Variants in FOCAD observed in about 807,000 individuals in gnomAD.
FOCAD encodes the protein focadhesin, also known as KIAA1797.
Under a neutral mutation model 225.6 loss-of-function variants are expected in FOCAD, and 198 were observed. That is an observed-to-expected ratio of 0.88 (90% CI 0.78 to 0.99). The LOEUF is 0.99. Ranked by LOEUF, FOCAD falls within the 50% of genes least tolerant of loss-of-function variation. The pLI is 0.00. For synonymous variants in FOCAD, 897 were observed against 755.0 expected, an observed-to-expected ratio of 1.19 and a Z score of -3.08; for missense variants, 2,713 against 2,123.6, an observed-to-expected ratio of 1.28 and a Z score of -5.46.
At chr9:20,931,169 C>T (rs1835431597) in intron 27 of FOCAD, among the ~76,000 whole-genome samples, 1 of 152,140 alleles carries the variant, frequency 6.6e-6, no homozygotes, top group Non-Finnish European at 1.5e-5. Context: ...TATGATGATT[C>T]CCCCAGAACA....
chr9:20,881,786 T>A (rs1830684354), intron 19 of FOCAD, 85 bp from the exon 20 acceptor site: 1 of 1,344,314 alleles, frequency 7.4e-7, no homozygotes, highest in Admixed American at 2.2e-5. Flanking sequence ...GTAGCTTAGT[T>A]GTTTGTATAT....
chr9:20,798,861 T>C (rs1190922166), intron 11 of FOCAD, among the ~76,000 whole-genome samples: 3 of 152,240 alleles, frequency 2.0e-5, no homozygotes, highest in Non-Finnish European at 4.4e-5. Context: ...AGTTCTGCTC[T>C]GATCTTAGTT....
chr9:20,714,641 T>TGCC (rs376941036), intron 1 of FOCAD, among the ~76,000 whole-genome samples: 6 of 118,308 alleles, frequency 5.1e-5, no homozygotes, highest in African/African-American at 2.1e-4. Context: ...CCTGCCTTCC[T>TGCC]TCCTTCCTTC....
chr9:20,818,248 A>G (rs902801217), intron 11 of FOCAD, among the ~76,000 whole-genome samples: 2 of 152,110 alleles, frequency 1.3e-5, no homozygotes, highest in African/African-American at 2.4e-5. Context: ...TTGGGTTTTA[A>G]GAGTTCTTTA....
chr9:20,752,144 C>A (rs1346006973), intron 5 of FOCAD, among the ~76,000 whole-genome samples: 2 of 150,414 alleles, frequency 1.3e-5, no homozygotes, highest in African/African-American at 4.9e-5. Context: ...TTTTGCTGTG[C>A]AGAAGCTCTT....
intron 8 of FOCAD, among the ~76,000 whole-genome samples, chr9:20,771,216 G>A (rs977494511): frequency 6.6e-6 from 1 of 152,174 alleles, no homozygotes; most frequent in African/African-American, 2.4e-5. Flanking sequence ...GTTGGGTATT[G>A]TTGAAGGATT....
intron 28 of FOCAD, among the ~76,000 whole-genome samples, chr9:20,943,940 G>A (rs1476333500): frequency 6.6e-6 from 1 of 152,076 alleles, no homozygotes; most frequent in Admixed American, 6.6e-5. Flanking sequence ...GAGAATTGGG[G>A]GCACAAAGCC....
Position 20,933,011 on chromosome 9 carries a change from C to T in FOCAD, c.3318-3C>T, listed in dbSNP as rs548185717. The T allele has an allele frequency of 6.2e-6, 10 of 1,609,422 alleles. No individual in the cohort carries two copies. Among genetic ancestry groups the T allele is most frequent in the Non-Finnish European group, 8.5e-6 (10 of 1,176,238 alleles). ...TCATTGTTTCCCCTTGATCTTTAAC[C>T]AGTGATATATCTGGCCAAGAGATGA... On this transcript the variant is annotated splice_region_variant and splice_polypyrimidine_tract_variant and intron_variant, in intron 27 of 43. Coordinates refer to ENST00000338382, the MANE Select transcript of FOCAD (RefSeq NM_001375567.1).
intron 2 of FOCAD, among the ~76,000 whole-genome samples, chr9:20,670,509 A>C (rs911581373): frequency 2.6e-5 from 4 of 152,168 alleles, no homozygotes; most frequent in Non-Finnish European, 4.4e-5. Context: ...AGGAGAGAGA[A>C]TAGAGAAAGG....
At chr9:20,811,642 T>C (rs145386137) in intron 11 of FOCAD, among the ~76,000 whole-genome samples, 1 of 152,202 alleles carries the variant, frequency 6.6e-6, no homozygotes, top group African/African-American at 2.4e-5. Context: ...TACCTTTTTT[T>C]GTGATGTTGC....
chr9:20,745,688 C>A (rs755230262), intron 5 of FOCAD, among the ~76,000 whole-genome samples: 1 of 152,050 alleles, frequency 6.6e-6, no homozygotes, highest in East Asian at 1.9e-4. Flanking sequence ...TTCCAGAATT[C>A]GTGTATTTTT....
Position 20,995,665 on chromosome 9 carries a change from A to T in FOCAD, c.*36A>T. The T allele has an allele frequency of 6.3e-7, 1 of 1,576,492 alleles. No homozygotes were observed. The highest frequency in any genetic ancestry group is 8.7e-7 in the Non-Finnish European group (1 of 1,147,034). On this transcript the variant is annotated 3_prime_UTR_variant, in exon 44 of 44. Coordinates refer to ENST00000338382, the MANE Select transcript of FOCAD (RefSeq NM_001375567.1). ...AGTAACCAGCAGCATTCTCAGCTGG[A>T]TGAGGAAAACCATATAAGTGGAAGA...
Position 20,720,538 on chromosome 9 carries a change from C to G in FOCAD, c.287+4C>G, listed in dbSNP as rs754389976. 6.2e-7 allele frequency: 1 copy of G among 1,613,340 alleles called. No homozygotes were observed. The highest frequency in any genetic ancestry group is 1.1e-5 in the South Asian group (1 of 90,982). On this transcript the variant is annotated splice_donor_region_variant and intron_variant, in intron 4 of 43. Transcript: ENST00000338382. Reference sequence around the variant, plus strand: ...TCAACTTGATTCCATCAACCAGGTACTTTTTCCTCAGTGTTTGGTCAGTTA... The same window carrying G: ...TCAACTTGATTCCATCAACCAGGTAGTTTTTCCTCAGTGTTTGGTCAGTTA...
intron 11 of FOCAD, among the ~76,000 whole-genome samples, chr9:20,815,365 G>C (rs1321769533): frequency 6.7e-6 from 1 of 148,926 alleles, no homozygotes; most frequent in African/African-American, 2.5e-5. Flanking sequence ...AACTGGTCTC[G>C]AACTCCTGAT....
chr9:20,912,022 A>G (rs1833478919), intron 22 of FOCAD, among the ~76,000 whole-genome samples: 1 of 152,138 alleles, frequency 6.6e-6, no homozygotes, highest in East Asian at 1.9e-4. Flanking sequence ...AAAAATTAAA[A>G]GCCTGACAAT....
At chr9:20,860,278 G>T (rs1050105115) in intron 15 of FOCAD, among the ~76,000 whole-genome samples, 2 of 151,886 alleles carry the variant, frequency 1.3e-5, no homozygotes, top group Non-Finnish European at 2.9e-5. Context: ...ATTGCATTTC[G>T]TTGTCACGTT....
intron 35 of FOCAD, among the ~76,000 whole-genome samples, chr9:20,955,922 A>G (rs1838095746): frequency 7.2e-6 from 1 of 139,056 alleles, no homozygotes; most frequent in Non-Finnish European, 1.6e-5. Context: ...TTTCTATGTA[A>G]TAGCATTATT....
intron 11 of FOCAD, among the ~76,000 whole-genome samples, chr9:20,808,063 A>C (rs1463997034): frequency 6.6e-6 from 1 of 152,052 alleles, no homozygotes; most frequent in Admixed American, 6.6e-5. Context: ...AAAAAAAGAA[A>C]GAACGAAATA....
At chr9:20,688,628 A>G (rs970193664) in intron 1 of FOCAD, among the ~76,000 whole-genome samples, 2 of 151,860 alleles carry the variant, frequency 1.3e-5, no homozygotes, top group African/African-American at 4.9e-5. Context: ...AGTTTGTAGA[A>G]TAAGAAAGAA....
Sources: gnomAD v4.1 joint callset for allele counts (sites outside exome capture counted in the v4.1 genomes callset) on GRCh38, gnomAD v4.1.1 for gene constraint, MANE v1.5 for transcripts, NCBI Gene and HGNC (gene_info 2026-07-23, HGNC 2026-07-21) for gene names.